Variants in CDK14 observed in about 807,000 individuals in gnomAD.
The protein encoded by CDK14 is cyclin-dependent kinase 14.
Under a neutral mutation model 60.7 loss-of-function variants are expected in CDK14, and 34 were observed. The ratio of observed to expected loss-of-function variants is 0.56; its 90% confidence interval spans 0.43 to 0.75. CDK14 has a LOEUF of 0.75. Ranked by LOEUF, CDK14 falls within the 30% of genes least tolerant of loss-of-function variation. The pLI is 0.00. For missense variants in CDK14, 482 were observed against 564.1 expected (o/e 0.85, Z 1.47); for synonymous variants, 197 against 203.7 (o/e 0.97, Z 0.28).
chr7:91,038,981 A>G (rs1001512115), intron 10 of CDK14, among the ~76,000 whole-genome samples: 5 of 152,174 alleles, frequency 3.3e-5, no homozygotes, highest in African/African-American at 1.2e-4. Flanking sequence ...AGCAGCATGA[A>G]AATGGACTAA....
intron 2 of CDK14, among the ~76,000 whole-genome samples, chr7:90,713,522 A>G (rs1334010541): frequency 3.9e-5 from 6 of 152,030 alleles, no homozygotes; most frequent in African/African-American, 1.4e-4. Context: ...AATCAGATTA[A>G]TCAAATGCAT....
At chr7:91,055,998 A>G (rs1284413417) in intron 11 of CDK14, among the ~76,000 whole-genome samples, 1 of 152,188 alleles carries the variant, frequency 6.6e-6, no homozygotes, top group Non-Finnish European at 1.5e-5. Context: ...ATAACTAGGA[A>G]TCTATGCATT....
chr7:90,850,310 C>G (rs560521500), intron 5 of CDK14, among the ~76,000 whole-genome samples: 7 of 152,078 alleles, frequency 4.6e-5, no homozygotes, highest in Non-Finnish European at 7.4e-5. Context: ...TTTTCTTGTT[C>G]ATGCATGCGT....
chr7:91,068,132 C>T (rs1798031424), intron 11 of CDK14, among the ~76,000 whole-genome samples: 2 of 152,316 alleles, frequency 1.3e-5, no homozygotes, highest in South Asian at 4.1e-4. Context: ...CTAGACTATG[C>T]CCTTAAATTC....
intron 7 of CDK14, among the ~76,000 whole-genome samples, chr7:90,900,798 A>G (rs1792483478): frequency 6.6e-6 from 1 of 152,104 alleles, no homozygotes; most frequent in Non-Finnish European, 1.5e-5. Context: ...AATCTTTCCC[A>G]CAGTCATGAC....
At chr7:90,792,711 T>C (rs1224431379) in intron 5 of CDK14, among the ~76,000 whole-genome samples, 1 of 144,590 alleles carries the variant, frequency 6.9e-6, no homozygotes, top group Admixed American at 6.9e-5. Context: ...AATAGCTTCT[T>C]AATTATACAC....
At chr7:90,655,912 T>G (rs780406349) in intron 2 of CDK14, among the ~76,000 whole-genome samples, 1 of 152,224 alleles carries the variant, frequency 6.6e-6, no homozygotes, top group Non-Finnish European at 1.5e-5. Flanking sequence ...AGCCAGAACA[T>G]ATAAATTCCC....
chr7:91,052,533 A>C (rs1198874654), intron 11 of CDK14, among the ~76,000 whole-genome samples: 1 of 152,216 alleles, frequency 6.6e-6, no homozygotes, highest in Non-Finnish European at 1.5e-5. Flanking sequence ...GCACTGAAAT[A>C]ATGTGTAGAT....
At chr7:90,824,226 A>G (rs1348828383) in intron 5 of CDK14, among the ~76,000 whole-genome samples, 1 of 145,192 alleles carries the variant, frequency 6.9e-6, no homozygotes, top group East Asian at 2.1e-4. Flanking sequence ...CATGTGTTAT[A>G]TCCTCTAATC....
rs185623337 is a variant in CDK14 at position 90,741,183 on chromosome 7, G to C, written c.370-6498G>C. ...TGAAGCACTTACTAATTTTCCAGCA[G>C]TTCCCTCAACATTTGCCACAGTCAT... On this transcript the variant is annotated intron_variant, in intron 3 of 14. Coordinates refer to ENST00000380050, the MANE Select transcript of CDK14 (RefSeq NM_001287135.2). Among the ~76,000 whole-genome samples, 135 of 152,262 alleles carry C rather than the reference G, an allele frequency of 8.9e-4. 1 individual carries two copies. Among genetic ancestry groups the C allele is most frequent in the Non-Finnish European group, 1.6e-3 (111 of 68,008 alleles).
At chr7:91,025,203 T>C (rs142402496) in intron 10 of CDK14, among the ~76,000 whole-genome samples, 140 of 152,280 alleles carry the variant, frequency 9.2e-4, no homozygotes, top group African/African-American at 3.2e-3. Context: ...ATATTATGAA[T>C]GCACCATAAC....
chr7:91,183,777 C>G (rs549070515), intron 14 of CDK14, among the ~76,000 whole-genome samples: 3 of 152,176 alleles, frequency 2.0e-5, no homozygotes, highest in Admixed American at 6.5e-5. Context: ...AAATCTACCC[C>G]CAAAGTCTCA....
chr7:90,742,871 C>T (rs1027492473), intron 3 of CDK14, among the ~76,000 whole-genome samples: 14 of 151,794 alleles, frequency 9.2e-5, no homozygotes, highest in African/African-American at 3.1e-4. Flanking sequence ...GATTCAGTAT[C>T]CCCTATCGGA....
chr7:91,019,942 C>T (rs574537516), intron 10 of CDK14, among the ~76,000 whole-genome samples: 1 of 152,232 alleles, frequency 6.6e-6, no homozygotes, highest in South Asian at 2.1e-4. Flanking sequence ...TTTATTTTTG[C>T]TCAAATGCTC....
intron 14 of CDK14, among the ~76,000 whole-genome samples, chr7:91,193,322 A>G (rs910145200): frequency 6.6e-6 from 1 of 152,166 alleles, no homozygotes; most frequent in South Asian, 2.1e-4. Context: ...AGTTAAATAT[A>G]TGCAGTTTTC....
chr7:90,759,586 T>C (rs539748754), intron 4 of CDK14, among the ~76,000 whole-genome samples: 7 of 152,288 alleles, frequency 4.6e-5, no homozygotes, highest in Admixed American at 1.3e-4. Context: ...GGGACCCATA[T>C]TCTCCTCAAT....
chr7:90,865,388 A>C (rs1397807396), intron 6 of CDK14, among the ~76,000 whole-genome samples: 1 of 152,162 alleles, frequency 6.6e-6, no homozygotes, highest in Non-Finnish European at 1.5e-5. Context: ...TTTCCTTAAC[A>C]CAAGTTTCCA....
chr7:90,615,507 A>T (rs970966803), intron 2 of CDK14, among the ~76,000 whole-genome samples: 7 of 152,332 alleles, frequency 4.6e-5, no homozygotes, highest in African/African-American at 1.7e-4. Flanking sequence ...ATCAGCTGAA[A>T]TATTGAAGTG....
chr7:90,777,546 A>C (rs1418697631), intron 4 of CDK14, among the ~76,000 whole-genome samples: 2 of 152,196 alleles, frequency 1.3e-5, no homozygotes, highest in African/African-American at 2.4e-5. Flanking sequence ...ACACCAGTTA[A>C]ATCAGGGGCA....
Sources: allele counts gnomAD v4.1 joint callset (sites outside exome capture counted in the v4.1 genomes callset), GRCh38; gene constraint gnomAD v4.1.1; transcripts MANE v1.5; gene names NCBI Gene and HGNC (gene_info 2026-07-23, HGNC 2026-07-21).